Variants in CALML4 observed in about 807,000 individuals in gnomAD.
The protein encoded by CALML4 is calmodulin-like protein 4.
CALML4 carries 16 observed loss-of-function variants against 17.9 expected under a neutral mutation model. That is an observed-to-expected ratio of 0.89 (90% CI 0.61 to 1.36). The LOEUF is 1.36. Ranked by LOEUF, CALML4 falls within the 40% of genes most tolerant of loss-of-function variation. The pLI is 0.00. For synonymous variants in CALML4, 86 were observed against 71.5 expected (o/e 1.20, Z -1.02); for missense variants, 203 against 194.8 (o/e 1.04, Z -0.25).
At chr15:68,199,493 C>A in intron 3 of CALML4, 48 bp downstream of exon 3, 2 of 1,577,118 alleles carry the variant, frequency 1.3e-6, no homozygotes, top group Non-Finnish European at 1.7e-6. Context: ...TGTCTGCACC[C>A]ACCTGCTGGG....
chr15:68,192,721 T>TCCCAAAAGACACATCCC lies in CALML4; in HGVS notation c.*1277_*1293dup, dbSNP rs2141118808. On this transcript the variant is annotated 3_prime_UTR_variant, in exon 5 of 5. Coordinates refer to ENST00000467889, the MANE Select transcript of CALML4 (RefSeq NM_033429.3). ...TGAAAGATTTGTGTCTTGTACATCC[T>TCCCAAAAGACACATCCC]CCCAAAAGACACATCCCATTTGATT... 6.6e-6 allele frequency: 1 copy of TCCCAAAAGACACATCCC among 152,390 alleles called. No individual in the cohort carries two copies. The highest frequency in any genetic ancestry group is 2.1e-4 in the South Asian group (1 of 4,830). 9.4% of individuals were successfully genotyped at this position (152,390 alleles called of 1,614,324 possible). A position where few individuals can be genotyped will look rare whatever the true frequency, so the allele number is the denominator to read the frequency against.
At chr15:68,199,409 G>C (rs1595811237) in intron 3 of CALML4, 132 bp downstream of exon 3, 2 of 984,814 alleles carry the variant, frequency 2.0e-6, no homozygotes, top group Non-Finnish European at 2.9e-6. Context: ...CTGGTCTGGG[G>C]CTGCCACAGC....
Position 68,204,974 on chromosome 15 carries a change from A to G in CALML4, c.34+147T>C, listed in dbSNP as rs572277073. The G allele has an allele frequency of 3.8e-5, 33 of 863,538 alleles. No individual in the cohort carries two copies. Among genetic ancestry groups the G allele is most frequent in the South Asian group, 3.3e-4 (21 of 63,396 alleles). The allele number at this position is 863,538 out of a possible 1,614,324, so 53.5% of individuals were successfully genotyped here. A position where few individuals can be genotyped will look rare whatever the true frequency, so the allele number is the denominator to read the frequency against. ...TACCCCCAACCCCCACCCCGCCAAC[A>G]GCAGCCTCCCCGCAGCTCTTGGCCC... On this transcript the variant is annotated intron_variant, in intron 2 of 4. Transcript: ENST00000467889. The surrounding 1 kb of genome is among the most constrained non-coding windows in gnomAD (Gnocchi z 6.0).
In CALML4 at chr15:68,191,610, TTGAGG is replaced by T. The variant is rs2093120621; in HGVS notation, c.*2400_*2404del. The T allele has an allele frequency of 6.5e-6, 1 of 152,676 alleles. No homozygotes were observed. Among genetic ancestry groups the T allele is most frequent in the Admixed American group, 6.5e-5 (1 of 15,286 alleles). 9.5% of individuals were successfully genotyped at this position (152,676 alleles called of 1,614,324 possible). On this transcript the variant is annotated 3_prime_UTR_variant, in exon 5 of 5. Coordinates refer to ENST00000467889, the MANE Select transcript of CALML4 (RefSeq NM_033429.3). ...CTAACTAATTTTCTTGCAGCATGCT[TTGAGG>T]TAAGTAATGAATATAGCCATCATTT...
intron 2 of CALML4, among the ~76,000 whole-genome samples, chr15:68,201,406 G>A (rs994927879): frequency 1.3e-5 from 2 of 152,240 alleles, no homozygotes; most frequent in Admixed American, 6.5e-5. Context: ...GGGACAGAGA[G>A]AGGGCTGCCC....
rs189773140 is a variant in CALML4, at chr15:68,194,944, A to C, written c.365-832T>G. Reference sequence around the variant, plus strand: ...GCTACCATCACCTCTAAAAAAAAAAAAAAATGTTTGGGGGATGGGGTTTAT... The same window carrying C: ...GCTACCATCACCTCTAAAAAAAAAACAAAATGTTTGGGGGATGGGGTTTAT... On this transcript the variant is annotated intron_variant, in intron 4 of 4. Coordinates refer to ENST00000467889, the MANE Select transcript of CALML4 (RefSeq NM_033429.3). Among the ~76,000 whole-genome samples the C allele has an allele frequency of 3.3e-5, 5 of 151,862 alleles. No homozygotes were observed. In the East Asian group the frequency reaches 9.7e-4, roughly 29 times the overall value.
Position 68,205,221 on chromosome 15 carries a change from GCCGACACAGA to G in CALML4, c.3+14_3+23del, listed in dbSNP as rs1252824616. 1 of 1,613,976 alleles carries G rather than the reference GCCGACACAGA, an allele frequency of 6.2e-7. No individual in the cohort carries two copies. Among genetic ancestry groups the G allele is most frequent in the Non-Finnish European group, 8.5e-7 (1 of 1,180,010 alleles). The stretch of plus-strand genomic sequence containing the variant: ...GGTTCACGCCCCCAGCCCTGGCCAG[GCCGACACAGA>G]CCCTCACACTCACCATTCTGGGGCC... On this transcript the variant is annotated intron_variant, in intron 1 of 4. Coordinates refer to ENST00000467889, the MANE Select transcript of CALML4 (RefSeq NM_033429.3). This position sits in a 1 kb window ranked among gnomAD's most constrained non-coding sequence, Gnocchi z 4.8.
Position 68,197,687 on chromosome 15 carries a change from G to A in CALML4, c.176-59C>T. The A allele has an allele frequency of 6.5e-7, 1 of 1,530,892 alleles. No individual in the cohort carries two copies. Among genetic ancestry groups the A allele is most frequent in the East Asian group, 2.3e-5 (1 of 44,266 alleles). The allele number at this position is 1,530,892 out of a possible 1,614,324, so 94.8% of individuals were successfully genotyped here. A position where few individuals can be genotyped will look rare whatever the true frequency, so the allele number is the denominator to read the frequency against. On this transcript the variant is annotated intron_variant, in intron 3 of 4. Coordinates refer to ENST00000467889, the MANE Select transcript of CALML4 (RefSeq NM_033429.3). The surrounding 1 kb of genome is among the most constrained non-coding windows in gnomAD (Gnocchi z 4.1). ...AGGGAAAAAGACTCCTAGGAAGCCA[G>A]CTGGCCTCCTGCTGGACCTGCACAG...
rs1206848407 is a variant in CALML4, at chr15:68,204,503, G to A, written c.34+618C>T. 6.6e-6 allele frequency among the ~76,000 whole-genome samples: 1 copy of A among 152,128 alleles called. No homozygotes were observed. Among genetic ancestry groups the A allele is most frequent in the Non-Finnish European group, 1.5e-5 (1 of 68,026 alleles). On this transcript the variant is annotated intron_variant, in intron 2 of 4. Transcript: ENST00000467889. This position sits in a 1 kb window ranked among gnomAD's most constrained non-coding sequence, Gnocchi z 6.0. The stretch of plus-strand genomic sequence containing the variant: ...ATGAGGCTCCCCTGGCTCAGGTCTG[G>A]GCCCCCAAGTTCTTTGTAACGCAAC...
Position 68,192,155 on chromosome 15 carries a change from T to A in CALML4, c.*1860A>T, listed in dbSNP as rs2093123321. 6.6e-6 allele frequency: 1 copy of A among 152,198 alleles called. No homozygotes were observed. 9.4% of individuals were successfully genotyped at this position (152,198 alleles called of 1,614,324 possible). A position where few individuals can be genotyped will look rare whatever the true frequency, so the allele number is the denominator to read the frequency against. On this transcript the variant is annotated 3_prime_UTR_variant, in exon 5 of 5. Transcript: ENST00000467889. ...CCCATCTAATCTTTGGTATTCCAGG[T>A]TGGCTGTGCAGGATTTACTTCCTAA...
At chr15:68,196,979 C>CAG (rs10652103) in intron 4 of CALML4, among the ~76,000 whole-genome samples, 152,268 of 152,290 alleles carry the variant, frequency 1, 76,123 homozygotes, top group Non-Finnish European at 1. Context: ...GCAGCAACTG[C>CAG]AGACTGCTGT....
intron 4 of CALML4, among the ~76,000 whole-genome samples, chr15:68,195,127 C>T (rs756346203): frequency 9.9e-5 from 15 of 152,156 alleles, no homozygotes; most frequent in East Asian, 1.9e-4. Flanking sequence ...TTGTCCCAGG[C>T]GTTGGCAAGA....
chr15:68,197,321 TGC>T lies in CALML4; in HGVS notation c.364+117_364+118del. ...AGTGTGGCATCTGCTCACAGTCTCC[TGC>T]GCGCGCATCAACAGAGGTGGTCTGT... On this transcript the variant is annotated intron_variant, in intron 4 of 4. Transcript: ENST00000467889. The surrounding 1 kb of genome is among the most constrained non-coding windows in gnomAD (Gnocchi z 4.1). 2 of 898,384 alleles carry T rather than the reference TGC, an allele frequency of 2.2e-6. No homozygotes were observed. Among genetic ancestry groups the T allele is most frequent in the Non-Finnish European group, 3.4e-6 (2 of 583,492 alleles). The allele number at this position is 898,384 out of a possible 1,614,324, so 55.7% of individuals were successfully genotyped here.
chr15:68,201,085 C>T (rs1020956782), intron 2 of CALML4, among the ~76,000 whole-genome samples: 9 of 152,172 alleles, frequency 5.9e-5, no homozygotes, highest in Non-Finnish European at 1.3e-4. Context: ...CTCAGGCCTC[C>T]CTGGTAGGAT....
chr15:68,199,773 C>A (rs2093159321), intron 2 of CALML4, 92 bp from the exon 3 acceptor site: 3 of 1,428,690 alleles, frequency 2.1e-6, no homozygotes, highest in East Asian at 2.4e-5. Flanking sequence ...CCTCTTTTCC[C>A]CTTCCTTTTG....
At chr15:68,194,923 C>CCAT (rs1308646893) in intron 4 of CALML4, among the ~76,000 whole-genome samples, 1 of 138,390 alleles carries the variant, frequency 7.2e-6, no homozygotes, top group Non-Finnish European at 1.6e-5. Context: ...CTGTCTGCTA[C>CCAT]CATCACCTCT....
chr15:68,201,685 GGGCTCAAATAGA>G (rs1056824278), intron 2 of CALML4, among the ~76,000 whole-genome samples: 19 of 152,346 alleles, frequency 1.2e-4, no homozygotes, highest in African/African-American at 4.6e-4. Flanking sequence ...AGCAGGGCCA[GGGCTCAAATAGA>G]GGCCCACCTC....
At position 68,196,177 on chromosome 15, in the gene CALML4, T is replaced by C. The variant is rs141774440; in HGVS notation, c.364+1263A>G. On this transcript the variant is annotated intron_variant, in intron 4 of 4. Coordinates refer to ENST00000467889, the MANE Select transcript of CALML4 (RefSeq NM_033429.3). ...GATCCTCCTGCCTCAGCCTCCCGAGTAGCTGGGGCTACAGGCGCCCGCCAC... is the reference window on the plus strand; with the variant it reads ...GATCCTCCTGCCTCAGCCTCCCGAGCAGCTGGGGCTACAGGCGCCCGCCAC... Among the ~76,000 whole-genome samples the C allele has an allele frequency of 3.4e-3, 522 of 152,300 alleles. 1 individual carries two copies. The highest frequency in any genetic ancestry group is 0.012 in the African/African-American group (503 of 41,570).
chr15:68,205,634 G>A, upstream of CALML4: 1 of 499,234 alleles, frequency 2.0e-6, no homozygotes, highest in Non-Finnish European at 3.6e-6. This position sits in a 1 kb window ranked among gnomAD's most constrained non-coding sequence, Gnocchi z 4.8. Flanking sequence ...TACTAGAGTT[G>A]GACACTTTAC....
Sources: gnomAD v4.1 joint callset for allele counts (sites outside exome capture counted in the v4.1 genomes callset) on GRCh38, gnomAD v4.1.1 for gene constraint, Gnocchi (gnomAD v3.1) non-coding constraint, MANE v1.5 for transcripts, NCBI Gene and HGNC (gene_info 2026-07-23, HGNC 2026-07-21) for gene names.